DLG2: variants seen among roughly 807,000 people sequenced by gnomAD.
DLG2 encodes disks large homolog 2.
DLG2 carries 45 observed loss-of-function variants against 132.5 expected under a neutral mutation model. The observed-to-expected ratio is 0.34, with a 90% CI of 0.27 to 0.44. The LOEUF is 0.44. Ranked by LOEUF, DLG2 falls within the 20% of genes least tolerant of loss-of-function variation. DLG2 has a pLI of 1.00. For missense variants in DLG2, 1,045 were observed against 1,196.9 expected, an observed-to-expected ratio of 0.87 and a Z score of 1.87; for synonymous variants, 424 against 419.6, an observed-to-expected ratio of 1.01 and a Z score of -0.13.
At chr11:84,859,417 T>C (rs1354641204) in intron 6 of DLG2, among the ~76,000 whole-genome samples, 7 of 144,676 alleles carry the variant, frequency 4.8e-5, no homozygotes, top group South Asian at 2.1e-4. Flanking sequence ...CATATATATG[T>C]ATACATATAC....
At chr11:85,530,240 C>T (rs1283265074) in intron 3 of DLG2, among the ~76,000 whole-genome samples, 1 of 152,026 alleles carries the variant, frequency 6.6e-6, no homozygotes. Flanking sequence ...AGGTTATCTG[C>T]CCACCTCAGC....
At chr11:84,853,585 C>T (rs1354738337) in intron 6 of DLG2, among the ~76,000 whole-genome samples, 2 of 152,014 alleles carry the variant, frequency 1.3e-5, no homozygotes, top group Non-Finnish European at 2.9e-5. Flanking sequence ...AGTGCCTACC[C>T]TGCATCGAGC....
intron 6 of DLG2, among the ~76,000 whole-genome samples, chr11:85,109,852 T>G (rs1353837181): frequency 6.6e-6 from 1 of 152,072 alleles, no homozygotes; most frequent in East Asian, 1.9e-4. Flanking sequence ...AGAAAAGTGT[T>G]AAAGAATGAT....
chr11:84,822,043 T>C (rs2077761109), intron 6 of DLG2, among the ~76,000 whole-genome samples: 1 of 151,856 alleles, frequency 6.6e-6, no homozygotes, highest in African/African-American at 2.4e-5. Context: ...AAGCAATATT[T>C]TACTATTCAG....
intron 21 of DLG2, chr11:83,486,351 CAAA>C: frequency 8.8e-6 from 4 of 453,864 alleles, no homozygotes; most frequent in Admixed American, 4.0e-5. Context: ...ACTTGTCATG[CAAA>C]AAAAAAAAAT....
intron 17 of DLG2, among the ~76,000 whole-genome samples, chr11:83,795,135 G>A (rs1000749574): frequency 3.3e-5 from 5 of 152,126 alleles, no homozygotes; most frequent in Non-Finnish European, 5.9e-5. Flanking sequence ...GGCCAGGCGC[G>A]GTGCTCACGC....
At chr11:85,430,925 T>C (rs1335835036) in intron 3 of DLG2, among the ~76,000 whole-genome samples, 1 of 150,348 alleles carries the variant, frequency 6.7e-6, no homozygotes, top group Non-Finnish European at 1.5e-5. Flanking sequence ...TGAGCCAAGA[T>C]TACACCACTG....
chr11:83,823,581 A>T (rs1341790715), intron 17 of DLG2, among the ~76,000 whole-genome samples: 4 of 152,164 alleles, frequency 2.6e-5, no homozygotes, highest in African/African-American at 9.7e-5. Context: ...CCAGAGCGCG[A>T]GATGAATAAA....
At chr11:84,899,987 C>T (rs946658058) in intron 6 of DLG2, among the ~76,000 whole-genome samples, 6 of 152,000 alleles carry the variant, frequency 3.9e-5, no homozygotes, top group African/African-American at 1.4e-4. Flanking sequence ...TCTAGTGGTA[C>T]ATGACTTAAT....
chr11:85,389,734 C>A (rs2086640993), intron 3 of DLG2, among the ~76,000 whole-genome samples: 1 of 151,942 alleles, frequency 6.6e-6, no homozygotes, highest in South Asian at 2.1e-4. Context: ...AATTATCAGC[C>A]AAGAATTTTG....
chr11:84,788,818 A>G (rs2073367180), intron 6 of DLG2, among the ~76,000 whole-genome samples: 2 of 152,248 alleles, frequency 1.3e-5, no homozygotes, highest in South Asian at 2.1e-4. Flanking sequence ...TGACTCAATA[A>G]ACAAATGTAT....
chr11:84,844,297 C>G (rs2081197821), intron 6 of DLG2, among the ~76,000 whole-genome samples: 2 of 150,932 alleles, frequency 1.3e-5, no homozygotes, highest in African/African-American at 4.9e-5. Flanking sequence ...TTGCAGGGAT[C>G]TTGATACATA....
intron 7 of DLG2, among the ~76,000 whole-genome samples, chr11:84,302,573 T>A (rs995449916): frequency 6.6e-6 from 1 of 152,208 alleles, no homozygotes; most frequent in East Asian, 1.9e-4. Flanking sequence ...CAGAGACAGA[T>A]AAAAGGACTA....
intron 6 of DLG2, among the ~76,000 whole-genome samples, chr11:85,086,645 G>A (rs1191928940): frequency 1.3e-5 from 2 of 152,118 alleles, no homozygotes; most frequent in Non-Finnish European, 2.9e-5. Flanking sequence ...AAATCAGGAA[G>A]GAGAGGCAAA....
intron 11 of DLG2, among the ~76,000 whole-genome samples, chr11:84,030,126 T>C (rs2154089998): frequency 6.6e-6 from 1 of 152,216 alleles, no homozygotes; most frequent in Non-Finnish European, 1.5e-5. Flanking sequence ...ACAGAGATGG[T>C]GTATTTTTCA....
At chr11:84,655,730 T>A (rs954282631) in intron 6 of DLG2, among the ~76,000 whole-genome samples, 2 of 146,136 alleles carry the variant, frequency 1.4e-5, no homozygotes, top group African/African-American at 5.0e-5. Flanking sequence ...CTTTGTTTTT[T>A]TTTGTTTGTT....
chr11:84,385,556 G>T (rs2098766451), intron 7 of DLG2, among the ~76,000 whole-genome samples: 1 of 152,062 alleles, frequency 6.6e-6, no homozygotes, highest in Non-Finnish European at 1.5e-5. Flanking sequence ...TAAATAGTAT[G>T]CATAAGGTGG....
At chr11:84,248,558 A>T (rs985061653) in intron 8 of DLG2, among the ~76,000 whole-genome samples, 9 of 152,178 alleles carry the variant, frequency 5.9e-5, no homozygotes, top group Non-Finnish European at 1.2e-4. Flanking sequence ...TACATTAAGT[A>T]TGAAAAAGTT....
intron 3 of DLG2, among the ~76,000 whole-genome samples, chr11:85,287,433 G>T (rs1279812955): frequency 6.6e-6 from 1 of 152,022 alleles, no homozygotes; most frequent in Non-Finnish European, 1.5e-5. Flanking sequence ...GACCTCATTG[G>T]TGATAAAAAA....
Sources: allele counts gnomAD v4.1 joint callset (sites outside exome capture counted in the v4.1 genomes callset), GRCh38; gene constraint gnomAD v4.1.1; transcripts MANE v1.5; gene names NCBI Gene and HGNC (gene_info 2026-07-23, HGNC 2026-07-21).